The following PLPPR5 variants were observed in gnomAD, a reference collection of about 807,000 sequenced individuals.
The protein encoded by PLPPR5 is phospholipid phosphatase-related protein type 5.
Under a neutral mutation model 33.9 loss-of-function variants are expected in PLPPR5, and 16 were observed. That is an observed-to-expected ratio of 0.47 (90% CI 0.32 to 0.72). The LOEUF (loss-of-function observed/expected upper bound fraction) is 0.72. Ranked by LOEUF, PLPPR5 falls within the 30% of genes least tolerant of loss-of-function variation. The pLI, the probability that PLPPR5 is intolerant of heterozygous loss-of-function variation, is 0.03. For synonymous variants in PLPPR5, 163 were observed against 150.3 expected (o/e 1.08, Z -0.62); for missense variants, 301 against 406.7 (o/e 0.74, Z 2.23).
chr1:98,999,391 A>G (rs893939558), intron 1 of PLPPR5, among the ~76,000 whole-genome samples: 1 of 152,210 alleles, frequency 6.6e-6, no homozygotes, highest in African/African-American at 2.4e-5. Context: ...AAATTCTCAC[A>G]GCTGGAAAGT....
chr1:98,954,501 G>A (rs1196171941), intron 2 of PLPPR5, among the ~76,000 whole-genome samples: 4 of 152,082 alleles, frequency 2.6e-5, no homozygotes, highest in African/African-American at 9.6e-5. Flanking sequence ...CATAAAAGTT[G>A]TACCAGATCA....
chr1:98,968,056 T>C (rs1051625881), intron 1 of PLPPR5, among the ~76,000 whole-genome samples: 6 of 152,086 alleles, frequency 3.9e-5, no homozygotes, highest in Admixed American at 2.6e-4. Flanking sequence ...TCTTTTTAAA[T>C]GACAAAAAGC....
chr1:98,942,755 T>C (rs1257980647), intron 3 of PLPPR5, among the ~76,000 whole-genome samples: 1 of 152,058 alleles, frequency 6.6e-6, no homozygotes, highest in Non-Finnish European at 1.5e-5. Flanking sequence ...AATGTACACA[T>C]CATGTGAGAA....
At chr1:98,909,211 TC>T (rs1474878590) in intron 5 of PLPPR5, among the ~76,000 whole-genome samples, 1 of 141,306 alleles carries the variant, frequency 7.1e-6, no homozygotes, top group Non-Finnish European at 1.5e-5. Context: ...GGTGTCTGTT[TC>T]CCCCTCCCCT....
chr1:98,943,778 G>A (rs1650461007), intron 3 of PLPPR5, among the ~76,000 whole-genome samples: 1 of 152,212 alleles, frequency 6.6e-6, no homozygotes, highest in Non-Finnish European at 1.5e-5. Flanking sequence ...CTATTTCCAT[G>A]TAATTCACAA....
intron 1 of PLPPR5, among the ~76,000 whole-genome samples, chr1:98,971,376 C>T (rs1651652673): frequency 6.6e-6 from 1 of 151,856 alleles, no homozygotes; most frequent in African/African-American, 2.4e-5. Context: ...GGTATGTAAG[C>T]TTTCCTATTG....
chr1:98,935,711 T>C (rs1010062739), intron 3 of PLPPR5, among the ~76,000 whole-genome samples: 2 of 152,144 alleles, frequency 1.3e-5, no homozygotes, highest in Admixed American at 1.3e-4. Context: ...ATAAGAAATA[T>C]GCTTGCTTTA....
chr1:98,952,262 CAGAAAAAAAA>C (rs1359121460), intron 3 of PLPPR5, among the ~76,000 whole-genome samples: 4 of 113,062 alleles, frequency 3.5e-5, no homozygotes, highest in African/African-American at 9.4e-5. Context: ...GACTCCGTCT[CAGAAAAAAAA>C]AAAAAAAAAA....
chr1:98,938,592 A>G (rs1650258936), intron 3 of PLPPR5, among the ~76,000 whole-genome samples: 1 of 150,560 alleles, frequency 6.6e-6, no homozygotes. Flanking sequence ...AGTAATATAT[A>G]TCATTCTATC....
chr1:98,980,943 A>G (rs181371502), intron 1 of PLPPR5, among the ~76,000 whole-genome samples: 105 of 152,168 alleles, frequency 6.9e-4, no homozygotes, highest in Non-Finnish European at 1.2e-3. Flanking sequence ...CATGTTTGTG[A>G]CAAAAGTTAA....
At chr1:98,950,843 C>T (rs986859555) in intron 3 of PLPPR5, among the ~76,000 whole-genome samples, 36 of 152,072 alleles carry the variant, frequency 2.4e-4, no homozygotes, top group African/African-American at 8.0e-4. Context: ...AGCACCACAC[C>T]TGGCTGAGGT....
At chr1:98,975,130 T>G (rs1294768309) in intron 1 of PLPPR5, among the ~76,000 whole-genome samples, 1 of 152,068 alleles carries the variant, frequency 6.6e-6, no homozygotes, top group Non-Finnish European at 1.5e-5. Context: ...CAGGACCAGA[T>G]GCCCAGAGAA....
chr1:98,928,736 C>A (rs979858378), intron 3 of PLPPR5, among the ~76,000 whole-genome samples: 1 of 151,270 alleles, frequency 6.6e-6, no homozygotes, highest in African/African-American at 2.4e-5. Flanking sequence ...GAGTTGGGCA[C>A]TGATCCTAAA....
rs1330181518 is a variant in PLPPR5 at position 98,891,341 on chromosome 1, C to T, written c.*1731G>A. On this transcript the variant is annotated 3_prime_UTR_variant, in exon 6 of 6. Coordinates refer to ENST00000263177, the MANE Select transcript of PLPPR5 (RefSeq NM_001037317.2). ...TTTGGTTATATTTATTTGCTGATCT[C>T]TGTTGAAATTACAGAGGAAATTAAA... 1 of 151,982 alleles carries T rather than the reference C, an allele frequency of 6.6e-6. No homozygotes were observed. Among genetic ancestry groups the T allele is most frequent in the East Asian group, 1.9e-4 (1 of 5,186 alleles). The allele number at this position is 151,982 out of a possible 1,614,324, so 9.4% of individuals were successfully genotyped here. A position where few individuals can be genotyped will look rare whatever the true frequency, so the allele number is the denominator to read the frequency against.
At chr1:98,928,922 C>A (rs1177483490) in intron 3 of PLPPR5, among the ~76,000 whole-genome samples, 3 of 151,680 alleles carry the variant, frequency 2.0e-5, no homozygotes, top group Non-Finnish European at 2.9e-5. Flanking sequence ...ATATATATAG[C>A]CTATTTTTTC....
At chr1:98,974,907 G>A (rs1270033016) in intron 1 of PLPPR5, among the ~76,000 whole-genome samples, 1 of 152,006 alleles carries the variant, frequency 6.6e-6, no homozygotes, top group Non-Finnish European at 1.5e-5. Flanking sequence ...ATTCCTGTCT[G>A]TCTTACAGGC....
intron 3 of PLPPR5, among the ~76,000 whole-genome samples, chr1:98,939,099 CT>C (rs1650282363): frequency 6.6e-6 from 1 of 151,510 alleles, no homozygotes; most frequent in East Asian, 1.9e-4. Flanking sequence ...TATAGTAAAC[CT>C]GCACATGAAC....
At chr1:98,957,121 G>C (rs1016939083) in intron 1 of PLPPR5, among the ~76,000 whole-genome samples, 1 of 149,874 alleles carries the variant, frequency 6.7e-6, no homozygotes. Flanking sequence ...TCACTCATAG[G>C]TGGGAAGTGA....
intron 5 of PLPPR5, among the ~76,000 whole-genome samples, chr1:98,908,185 T>C (rs1482099769): frequency 6.6e-6 from 1 of 152,138 alleles, no homozygotes; most frequent in Non-Finnish European, 1.5e-5. Context: ...TTTTGGGACA[T>C]TATTGAGGCT....
Sources: gnomAD v4.1 joint callset for allele counts (sites outside exome capture counted in the v4.1 genomes callset) on GRCh38, gnomAD v4.1.1 for gene constraint, MANE v1.5 for transcripts, NCBI Gene and HGNC (gene_info 2026-07-23, HGNC 2026-07-21) for gene names.